Variants in SH3RF3 observed in about 807,000 individuals in gnomAD.
SH3RF3 encodes the protein E3 ubiquitin-protein ligase SH3RF3.
A neutral mutation model predicts 66.3 loss-of-function variants in SH3RF3; 29 were observed. The ratio of observed to expected loss-of-function variants is 0.44; its 90% CI spans 0.33 to 0.60. The LOEUF is 0.60. Among genes scored for constraint, SH3RF3 ranks in the 20% least tolerant of loss-of-function variants. SH3RF3 has a pLI of 0.04. For synonymous variants in SH3RF3, 583 were observed against 532.0 expected (o/e 1.10, Z -1.32); for missense variants, 1,194 against 1,190.9 (o/e 1.00, Z -0.04).
intron 1 of SH3RF3, among the ~76,000 whole-genome samples, chr2:109,140,586 T>A (rs901841686): frequency 2.6e-5 from 4 of 152,002 alleles, no homozygotes; most frequent in African/African-American, 9.7e-5. Flanking sequence ...TTTCACCATG[T>A]TAACCAGGAT....
intron 1 of SH3RF3, among the ~76,000 whole-genome samples, chr2:109,338,827 G>C (rs971563520): frequency 3.3e-5 from 5 of 152,188 alleles, no homozygotes; most frequent in African/African-American, 1.2e-4. Context: ...CAAAGTGTGT[G>C]AGCCATTGCG....
intron 1 of SH3RF3, among the ~76,000 whole-genome samples, chr2:109,259,913 C>A (rs1265608783): frequency 6.6e-6 from 1 of 152,176 alleles, no homozygotes; most frequent in Non-Finnish European, 1.5e-5. Context: ...GTGTGCTACA[C>A]CGTGCACAAC....
chr2:109,297,748 C>T (rs1681351291), intron 1 of SH3RF3, among the ~76,000 whole-genome samples: 1 of 151,806 alleles, frequency 6.6e-6, no homozygotes, highest in Non-Finnish European at 1.5e-5. Flanking sequence ...GGACAGTGTC[C>T]CTTATCCAGT....
chr2:109,454,527 G>C (rs941031663), intron 8 of SH3RF3, among the ~76,000 whole-genome samples: 3 of 152,190 alleles, frequency 2.0e-5, no homozygotes, highest in African/African-American at 7.2e-5. Flanking sequence ...GAGCGCTCCC[G>C]CCGGCTGCCT....
intron 1 of SH3RF3, among the ~76,000 whole-genome samples, chr2:109,337,938 C>T (rs1222643233): frequency 1.3e-5 from 2 of 151,918 alleles, no homozygotes; most frequent in East Asian, 1.9e-4. Flanking sequence ...TGCCACGTTA[C>T]CCCGGCTGGT....
intron 1 of SH3RF3, among the ~76,000 whole-genome samples, chr2:109,278,051 C>T (rs933830148): frequency 1.3e-5 from 2 of 150,928 alleles, no homozygotes; most frequent in Non-Finnish European, 2.9e-5. Flanking sequence ...GTGTCATGCA[C>T]CTATAGTCCC....
chr2:109,253,956 A>C (rs983443961), intron 1 of SH3RF3, among the ~76,000 whole-genome samples: 1 of 151,938 alleles, frequency 6.6e-6, no homozygotes, highest in Non-Finnish European at 1.5e-5. Flanking sequence ...AGGCTGTCAA[A>C]TGTATTGGGA....
intron 2 of SH3RF3, among the ~76,000 whole-genome samples, chr2:109,362,259 C>T (rs1355064196): frequency 2.0e-5 from 3 of 152,114 alleles, no homozygotes; most frequent in African/African-American, 7.2e-5. Context: ...TGGTAAATTA[C>T]ATCTTCATTT....
At chr2:109,498,212 G>A (rs866057324) in intron 9 of SH3RF3, among the ~76,000 whole-genome samples, 9 of 152,312 alleles carry the variant, frequency 5.9e-5, no homozygotes, top group African/African-American at 9.6e-5. Flanking sequence ...TAGCCCATGG[G>A]AACCAGTCCA....
Position 109,419,581 on chromosome 2 carries a change from C to T in SH3RF3, c.1342C>T (p.Arg448Trp), listed in dbSNP as rs371939458. 98 of 1,597,348 alleles carry T rather than the reference C, an allele frequency of 6.1e-5. No homozygotes were observed. Among genetic ancestry groups the T allele is most frequent in the Non-Finnish European group, 7.9e-5 (93 of 1,173,178 alleles). Reference protein sequence around the residue: ...SAGSTPTAVPRAASVSGEQGT... With the variant: ...SAGSTPTAVPWAASVSGEQGT... The stretch of plus-strand genomic sequence containing the variant: ...GGGATCTACCCCCACGGCTGTCCCA[C>T]GGGCTGCCTCGGTGTCTGGAGAGCA... Residue 448 changes from arginine to tryptophan, a missense_variant, in exon 5 of 10, where the codon CGG (arginine) becomes TGG (tryptophan). Coordinates refer to ENST00000309415, the MANE Select transcript of SH3RF3 (RefSeq NM_001099289.3).
Position 109,293,286 on chromosome 2 carries a change from C to G in SH3RF3, c.574-54388C>G, listed in dbSNP as rs370758888. 3.3e-5 allele frequency among the ~76,000 whole-genome samples: 5 copies of G among 152,332 alleles called. No homozygotes were observed. The South Asian group carries it at 1.0e-3, about 32-fold the overall frequency. On this transcript the variant is annotated intron_variant, in intron 1 of 9. Coordinates refer to ENST00000309415, the MANE Select transcript of SH3RF3 (RefSeq NM_001099289.3). ...AAAGCCTTCTGCTAAAAATACCCAGCACTGCACTGCGAAGGAGTTTGGATG... is the reference window on the plus strand; with the variant it reads ...AAAGCCTTCTGCTAAAAATACCCAGGACTGCACTGCGAAGGAGTTTGGATG...
At chr2:109,155,912 G>T (rs1464424549) in intron 1 of SH3RF3, among the ~76,000 whole-genome samples, 1 of 152,238 alleles carries the variant, frequency 6.6e-6, no homozygotes, top group Non-Finnish European at 1.5e-5. Context: ...TGTAACAAGT[G>T]CTGTATTGGA....
intron 1 of SH3RF3, among the ~76,000 whole-genome samples, chr2:109,207,264 T>G (rs1212686334): frequency 6.6e-6 from 1 of 152,192 alleles, no homozygotes; most frequent in East Asian, 1.9e-4. Context: ...ATAATTTTGG[T>G]GTATGGTAAT....
chr2:109,132,253 A>T (rs1026938230), intron 1 of SH3RF3, among the ~76,000 whole-genome samples: 1 of 152,220 alleles, frequency 6.6e-6, no homozygotes, highest in African/African-American at 2.4e-5. Flanking sequence ...TAGGGTATGT[A>T]TACTTTTTAG....
At chr2:109,164,659 C>G (rs2104921700) in intron 1 of SH3RF3, among the ~76,000 whole-genome samples, 1 of 152,268 alleles carries the variant, frequency 6.6e-6, no homozygotes, top group Non-Finnish European at 1.5e-5. Flanking sequence ...AAAAAGAGCA[C>G]TTACTTGTAT....
intron 8 of SH3RF3, among the ~76,000 whole-genome samples, chr2:109,450,396 C>T (rs533478819): frequency 1.9e-4 from 29 of 151,988 alleles, no homozygotes; most frequent in Admixed American, 6.6e-4. Context: ...AAACTTGTTC[C>T]GGTTGCCACC....
intron 1 of SH3RF3, among the ~76,000 whole-genome samples, chr2:109,195,020 G>A (rs1225983912): frequency 6.6e-6 from 1 of 152,170 alleles, no homozygotes; most frequent in Non-Finnish European, 1.5e-5. Context: ...TTAGAAGTGG[G>A]GGAAATGAAA....
intron 8 of SH3RF3, among the ~76,000 whole-genome samples, chr2:109,476,038 G>A (rs572096145): frequency 4.6e-5 from 7 of 152,350 alleles, no homozygotes; most frequent in Non-Finnish European, 1.0e-4. Flanking sequence ...GAGATCGGCT[G>A]TGCCCAGAGT....
intron 9 of SH3RF3, among the ~76,000 whole-genome samples, chr2:109,495,050 T>C (rs963592185): frequency 2.0e-5 from 3 of 152,178 alleles, no homozygotes; most frequent in African/African-American, 7.2e-5. Context: ...AGTAGACTTA[T>C]GAGCCAAGCC....
Sources: gnomAD v4.1 joint callset for allele counts (sites outside exome capture counted in the v4.1 genomes callset) on GRCh38, gnomAD v4.1.1 for gene constraint, MANE v1.5 for transcripts, NCBI Gene and HGNC (gene_info 2026-07-23, HGNC 2026-07-21) for gene names.